INF2: variants seen among roughly 807,000 people sequenced by gnomAD.
The protein encoded by INF2 is inverted formin-2.
INF2 carries 43 observed loss-of-function variants against 123.5 expected under a neutral mutation model. That is an observed-to-expected ratio of 0.35 (90% CI 0.27 to 0.45). INF2 has a LOEUF of 0.45. Ranked by LOEUF, INF2 falls within the 20% of genes least tolerant of loss-of-function variation. INF2 has a pLI of 1.00. For missense variants in INF2, 1,453 were observed against 1,682.7 expected (o/e 0.86, Z 2.39); for synonymous variants, 851 against 745.0 (o/e 1.14, Z -2.32).
At chr14:104,689,912 G>A (rs566214228) in intron 1 of INF2, among the ~76,000 whole-genome samples, 173 bp downstream of exon 1, 1 of 151,608 alleles carries the variant, frequency 6.6e-6, no homozygotes, top group South Asian at 2.1e-4. Flanking sequence ...ACCCCAGGGC[G>A]CCCCTGGCCC....
In INF2 at chr14:104,699,614, C is replaced by G; in HGVS notation, c.-9-1743C>G. ...GCGCATCTGGGTGAGTGGACGGCCA[C>G]TGGGTGACCAAGAGGGCCGGGCCTG... On this transcript the variant is annotated intron_variant, in intron 1 of 22. Transcript: ENST00000392634. This position sits in a 1 kb window ranked among gnomAD's most constrained non-coding sequence, Gnocchi z 4.7. 1 of 982,016 alleles carries G rather than the reference C, an allele frequency of 1.0e-6. No individual in the cohort carries two copies. Among genetic ancestry groups the G allele is most frequent in the Non-Finnish European group, 1.2e-6 (1 of 827,720 alleles). 60.8% of individuals were successfully genotyped at this position (982,016 alleles called of 1,614,324 possible).
chr14:104,715,408 G>C lies in INF2; in HGVS notation c.*1+68G>C, dbSNP rs1890252532. 3 of 1,409,448 alleles carry C rather than the reference G, an allele frequency of 2.1e-6. No homozygotes were observed. The East Asian group carries it at 6.8e-5, about 32-fold the overall frequency. 87.3% of individuals were successfully genotyped at this position (1,409,448 alleles called of 1,614,324 possible). ...CAGGGCAGTGGGGCTGGAGCTTGCTGCCCACACCCCTCCGGGACACTAACC... is the reference window on the plus strand; with the variant it reads ...CAGGGCAGTGGGGCTGGAGCTTGCTCCCCACACCCCTCCGGGACACTAACC... On this transcript the variant is annotated intron_variant, in intron 22 of 22. Coordinates refer to ENST00000392634, the MANE Select transcript of INF2 (RefSeq NM_022489.4).
At chr14:104,700,369 G>A (rs571070455) in intron 1 of INF2, among the ~76,000 whole-genome samples, 2 of 152,180 alleles carry the variant, frequency 1.3e-5, no homozygotes, top group Admixed American at 1.3e-4. Flanking sequence ...GTGCTGGGCC[G>A]GGGTGGAGGC....
chr14:104,708,878 C>A (rs1889907194), intron 10 of INF2, 146 bp downstream of exon 10: 1 of 872,198 alleles, frequency 1.1e-6, no homozygotes, highest in Non-Finnish European at 1.9e-6. Context: ...CGGGTAATAG[C>A]CCCATGCTGC....
chr14:104,717,302 CCCGGGCAGGGCGCG>C (rs1890351137), intron 22 of INF2, among the ~76,000 whole-genome samples: 1 of 136,058 alleles, frequency 7.3e-6, no homozygotes, highest in Non-Finnish European at 1.6e-5. Context: ...CAGTCCCCCC[CCCGGGCAGGGCGCG>C]CTGCCGTCCT....
At chr14:104,695,634 G>A (rs1336886099) in intron 1 of INF2, among the ~76,000 whole-genome samples, 5 of 117,602 alleles carry the variant, frequency 4.3e-5, no homozygotes, top group African/African-American at 3.4e-5. Context: ...CCTGTTTGCT[G>A]CATCCCCCTA....
chr14:104,701,482 C>T lies in INF2; in HGVS notation c.117C>T (p.Ile39=). 1.2e-6 allele frequency: 2 copies of T among 1,602,562 alleles called. No individual in the cohort carries two copies. The highest frequency in any genetic ancestry group is 1.3e-5 in the African/African-American group (1 of 74,864). ...AGAGCGCGGACCCCGAGCTGTGCAT[C>T]CGGCTGCTCCAGATGCCCTCTGTGG... is the stretch of plus-strand genomic sequence containing the variant. The part of the protein sequence containing the change: ...NLESADPELC[I]RLLQMPSVVN... The change falls in exon 2 of 23, where the codon ATC becomes ATT. Residue 39 remains isoleucine, a synonymous_variant. Transcript: ENST00000392634.
At chr14:104,693,525 AGCACAC>A (rs1889053192) in intron 1 of INF2, among the ~76,000 whole-genome samples, 1 of 152,164 alleles carries the variant, frequency 6.6e-6, no homozygotes, top group Non-Finnish European at 1.5e-5. Context: ...GTGGCCGCTG[AGCACAC>A]CAGCCCCGGG....
chr14:104,715,867 C>T (rs1184699901), intron 22 of INF2: 3 of 457,470 alleles, frequency 6.6e-6, no homozygotes, highest in African/African-American at 6.0e-5. Flanking sequence ...GTCGCAAGGG[C>T]AGATGCTGCC....
chr14:104,687,831 G>C (rs1389784491), upstream of INF2, among the ~76,000 whole-genome samples: 1 of 152,166 alleles, frequency 6.6e-6, no homozygotes, highest in Admixed American at 6.5e-5. The surrounding 1 kb of genome is among the most constrained non-coding windows in gnomAD (Gnocchi z 5.6). Flanking sequence ...CAGGGGAGGG[G>C]GCTGCAGGTC....
intron 1 of INF2, among the ~76,000 whole-genome samples, chr14:104,700,087 C>T (rs1889399915): frequency 6.6e-6 from 1 of 152,138 alleles, no homozygotes; most frequent in Non-Finnish European, 1.5e-5. Flanking sequence ...ATAGAGCCTC[C>T]TGGGGAGGCA....
chr14:104,701,465 G>A lies in INF2; in HGVS notation c.100G>A (p.Asp34Asn). Reference protein sequence around the residue: ...DPTEANLESADPELCIRLLQM... With the variant: ...DPTEANLESANPELCIRLLQM... ...CACGGAGGCCAACCTGGAGAGCGCG[G>A]ACCCCGAGCTGTGCATCCGGCTGCT... The change falls in exon 2 of 23, where the codon GAC becomes AAC. Residue 34 changes from aspartate (D) to asparagine (N), a missense_variant. Coordinates refer to ENST00000392634, the MANE Select transcript of INF2 (RefSeq NM_022489.4). The A allele has an allele frequency of 6.2e-7, 1 of 1,600,616 alleles. No individual in the cohort carries two copies. Among genetic ancestry groups the A allele is most frequent in the Non-Finnish European group, 8.5e-7 (1 of 1,173,966 alleles).
Position 104,712,885 on chromosome 14 carries a change from C to T in INF2, c.2668C>T (p.Gln890Ter). The T allele has an allele frequency of 6.2e-7, 1 of 1,612,692 alleles. No individual in the cohort carries two copies. Among genetic ancestry groups the T allele is most frequent in the South Asian group, 1.1e-5 (1 of 91,084 alleles). ...GCTGTTTGAGGCCATCGAGCAGAAGCAACGGGAGCTGGCCGACTACCTGTG... is the reference window on the plus strand; with the variant it reads ...GCTGTTTGAGGCCATCGAGCAGAAGTAACGGGAGCTGGCCGACTACCTGTG... The part of the protein sequence containing the change: ...DELFEAIEQK[Q>*]RELADYLCED... The change falls in exon 18 of 23, where the codon CAA becomes TAA. Residue 890 changes from glutamine to a stop codon, truncating the protein, a stop_gained. Coordinates refer to ENST00000392634, the MANE Select transcript of INF2 (RefSeq NM_022489.4). LOFTEE classifies it high-confidence loss of function.
At position 104,712,456 on chromosome 14, in the gene INF2, C is replaced by T. The variant is rs1362767076; in HGVS notation, c.2513C>T (p.Ser838Leu). The change falls in exon 17 of 23, where the codon TCA becomes TTA. Residue 838 changes from serine to leucine, a missense_variant. Around this residue, in one of 8 missense-constraint regions of INF2, gnomAD observed 212 missense variants for 266.2 expected, o/e 0.80. Transcript: ENST00000392634. ...AAGINLEIIRSEASSNLKKLL... is the reference protein window; with the variant it reads ...AAGINLEIIRLEASSNLKKLL... ...AGGATCAACCTGGAGATCATCCGCTCAGAGGCCAGCTCCAACCTGAAGAAG... is the reference window on the plus strand; with the variant it reads ...AGGATCAACCTGGAGATCATCCGCTTAGAGGCCAGCTCCAACCTGAAGAAG... The T allele has an allele frequency of 1.9e-6, 3 of 1,612,634 alleles. No homozygotes were observed. The South Asian group carries it at 3.3e-5, about 18-fold the overall frequency.
At chr14:104,705,622 C>A (rs141608585) in intron 5 of INF2, among the ~76,000 whole-genome samples, 1,583 of 152,292 alleles carry the variant, frequency 0.01, 36 homozygotes, top group African/African-American at 0.036. Context: ...TCCATGCAGC[C>A]CTGTGGACCC....
chr14:104,699,845 G>A lies in INF2; in HGVS notation c.-9-1512G>A, dbSNP rs539959443. The stretch of plus-strand genomic sequence containing the variant: ...GGCCAAGGTCTGCTGGTGAGGGCCC[G>A]GGCTGGGGACATGCAGATCAGAACC... On this transcript the variant is annotated intron_variant, in intron 1 of 22. Coordinates refer to ENST00000392634, the MANE Select transcript of INF2 (RefSeq NM_022489.4). The surrounding 1 kb of genome is among the most constrained non-coding windows in gnomAD (Gnocchi z 4.7). Among the ~76,000 whole-genome samples, 14 of 152,278 alleles carry A rather than the reference G, an allele frequency of 9.2e-5. No individual in the cohort carries two copies. Among genetic ancestry groups the A allele is most frequent in the Non-Finnish European group, 1.3e-4 (9 of 67,998 alleles).
intron 1 of INF2, among the ~76,000 whole-genome samples, 180 bp downstream of exon 1, chr14:104,689,919 GC>G (rs992541494): frequency 8.6e-5 from 13 of 151,350 alleles, no homozygotes; most frequent in Admixed American, 6.6e-4. Flanking sequence ...GGCGCCCCTG[GC>G]CCCCCCGGCT....
intron 1 of INF2, chr14:104,690,625 C>T (rs1375491272): frequency 6.6e-6 from 1 of 152,562 alleles, no homozygotes; most frequent in Non-Finnish European, 1.5e-5. Context: ...GTCAGGCACA[C>T]CCAGAAGGCG....
chr14:104,710,569 G>A (rs1387818058), intron 13 of INF2, among the ~76,000 whole-genome samples: 2 of 151,784 alleles, frequency 1.3e-5, no homozygotes, highest in Non-Finnish European at 2.9e-5. Flanking sequence ...AGGACACACA[G>A]ACACACGTAC....
Sources: gnomAD v4.1 joint callset for allele counts (sites outside exome capture counted in the v4.1 genomes callset) on GRCh38, gnomAD v4.1.1 for gene constraint, gnomAD v4.1.1 regional missense constraint, Gnocchi (gnomAD v3.1) non-coding constraint, MANE v1.5 for transcripts, NCBI Gene and HGNC (gene_info 2026-07-23, HGNC 2026-07-21) for gene names.